The following RAB3GAP2 variants were observed in gnomAD, a reference collection of about 807,000 sequenced individuals.
RAB3GAP2 encodes rab3 GTPase-activating protein non-catalytic subunit.
A neutral mutation model predicts 185.3 loss-of-function variants in RAB3GAP2; 87 were observed. The ratio of observed to expected loss-of-function variants is 0.47; its 90% CI spans 0.39 to 0.56. The LOEUF (loss-of-function observed/expected upper bound fraction) is 0.56. RAB3GAP2 is among the 20% of genes least tolerant of loss of function. RAB3GAP2 has a pLI of 0.00. For synonymous variants in RAB3GAP2, 554 were observed against 576.1 expected (o/e 0.96, Z 0.55); for missense variants, 1,492 against 1,638.2 (o/e 0.91, Z 1.54).
At chr1:220,254,872 G>A (rs1571931709) in intron 1 of RAB3GAP2, among the ~76,000 whole-genome samples, 1 of 150,590 alleles carries the variant, frequency 6.6e-6, no homozygotes, top group East Asian at 1.9e-4. Flanking sequence ...ACATGTTAAT[G>A]CTATATGACA....
intron 2 of RAB3GAP2, among the ~76,000 whole-genome samples, chr1:220,230,540 C>T (rs1659479043): frequency 6.6e-6 from 1 of 152,198 alleles, no homozygotes; most frequent in Non-Finnish European, 1.5e-5. Flanking sequence ...TGTTCTTAAT[C>T]TCCTCATGGA....
Position 220,162,462 on chromosome 1 carries a change from G to C in RAB3GAP2, c.3155-194C>G, listed in dbSNP as rs141613840. 0.027 allele frequency among the ~76,000 whole-genome samples: 4,055 copies of C among 152,150 alleles called. 69 individuals carry two copies. Among genetic ancestry groups the C allele is most frequent in the South Asian group, 0.037 (178 of 4,812 alleles). On this transcript the variant is annotated intron_variant, in intron 27 of 34. Coordinates refer to ENST00000358951, the MANE Select transcript of RAB3GAP2 (RefSeq NM_012414.4). ...TCTGATTTAATAAAAATCAGAACTA[G>C]GCTGTATAAGAGTATGTCTAAATTG...
intron 1 of RAB3GAP2, among the ~76,000 whole-genome samples, chr1:220,235,342 T>C (rs1659571944): frequency 6.6e-6 from 1 of 152,240 alleles, no homozygotes; most frequent in African/African-American, 2.4e-5. Context: ...ATTGTGAGTT[T>C]AAGGCAGGCA....
At chr1:220,162,068 CTGAG>C (rs1258160038) in intron 28 of RAB3GAP2, 126 bp downstream of exon 28, 2 of 735,898 alleles carry the variant, frequency 2.7e-6, no homozygotes, top group East Asian at 2.7e-5. Context: ...TTACATTTAA[CTGAG>C]TATGAGTAAA....
rs897230178 is a variant in RAB3GAP2, at chr1:220,148,705, G to C, written c.*2546C>G. The C allele has an allele frequency of 1.3e-5, 2 of 151,968 alleles. No homozygotes were observed. The highest frequency in any genetic ancestry group is 4.8e-5 in the African/African-American group (2 of 41,362). The allele number at this position is 151,968 out of a possible 1,614,324, so 9.4% of individuals were successfully genotyped here. A position where few individuals can be genotyped will look rare whatever the true frequency, so the allele number is the denominator to read the frequency against. ...ATTTAAATGTAACAGTGTTTACTTTGACCATAGATGAAGTTTTATAATAAA... is the reference window on the plus strand; with the variant it reads ...ATTTAAATGTAACAGTGTTTACTTTCACCATAGATGAAGTTTTATAATAAA... On this transcript the variant is annotated 3_prime_UTR_variant, in exon 35 of 35. Coordinates refer to ENST00000358951, the MANE Select transcript of RAB3GAP2 (RefSeq NM_012414.4).
intron 24 of RAB3GAP2, 110 bp from the exon 25 acceptor site, chr1:220,167,785 CA>C: frequency 8.5e-7 from 1 of 1,174,730 alleles, no homozygotes; most frequent in Non-Finnish European, 1.3e-6. Flanking sequence ...ATTCATTTCT[CA>C]GCCTGAAGCT....
intron 1 of RAB3GAP2, chr1:220,267,126 A>G: frequency 7.3e-7 from 1 of 1,365,736 alleles, no homozygotes; most frequent in Non-Finnish European, 1.0e-6. Flanking sequence ...CAGCTGATCC[A>G]AGAAGTAAGT....
chr1:220,196,100 A>AAGCT, intron 10 of RAB3GAP2, 150 bp downstream of exon 10: 1 of 839,572 alleles, frequency 1.2e-6, no homozygotes, highest in East Asian at 2.6e-5. Flanking sequence ...ATTTAGAAGA[A>AAGCT]AGCTAGTTGA....
chr1:220,209,006 C>T (rs981403727), intron 7 of RAB3GAP2, among the ~76,000 whole-genome samples: 2 of 152,138 alleles, frequency 1.3e-5, no homozygotes, highest in African/African-American at 2.4e-5. Context: ...TGTCAGCCAC[C>T]GTGCCCGGCC....
At chr1:220,261,486 C>T (rs759316564) in intron 1 of RAB3GAP2, among the ~76,000 whole-genome samples, 4 of 152,214 alleles carry the variant, frequency 2.6e-5, no homozygotes, top group Non-Finnish European at 5.9e-5. Context: ...TCCACTTCCA[C>T]TTTACCCATC....
chr1:220,209,007 G>A (rs539504065), intron 7 of RAB3GAP2, among the ~76,000 whole-genome samples: 12 of 152,208 alleles, frequency 7.9e-5, no homozygotes, highest in Non-Finnish European at 1.3e-4. Flanking sequence ...GTCAGCCACC[G>A]TGCCCGGCCC....
intron 1 of RAB3GAP2, among the ~76,000 whole-genome samples, chr1:220,236,279 C>T (rs1659589719): frequency 2.0e-5 from 3 of 152,078 alleles, no homozygotes; most frequent in South Asian, 2.1e-4. Flanking sequence ...CTGGTTCAAG[C>T]GAGTCTCCTG....
intron 26 of RAB3GAP2, among the ~76,000 whole-genome samples, chr1:220,167,072 T>A (rs549915690): frequency 3.3e-5 from 5 of 152,198 alleles, no homozygotes; most frequent in African/African-American, 9.6e-5. Context: ...CCCTAGTATT[T>A]TCTTTAGAGT....
rs180750746 is a variant in RAB3GAP2 at position 220,150,860 on chromosome 1, G to A, written c.*391C>T. The A allele has an allele frequency of 7.9e-4, 192 of 242,082 alleles. 1 individual carries two copies. In the Middle Eastern group the frequency reaches 8.2e-3, roughly 10 times the overall value. The allele number at this position is 242,082 out of a possible 1,614,324, so 15.0% of individuals were successfully genotyped here. On this transcript the variant is annotated 3_prime_UTR_variant, in exon 35 of 35. Transcript: ENST00000358951. ...GTTCTATACGCTACTGATGGGGACT[G>A]TACATGAACACATTTAAATTGAATT...
In RAB3GAP2 at chr1:220,149,258, C is replaced by G. The variant is rs1571869499; in HGVS notation, c.*1993G>C. On this transcript the variant is annotated 3_prime_UTR_variant, in exon 35 of 35. Coordinates refer to ENST00000358951, the MANE Select transcript of RAB3GAP2 (RefSeq NM_012414.4). ...AATTCTATGAAAAATTTTAGGATAACAAATCTAACTAGAGACTTAATGATT... is the reference window on the plus strand; with the variant it reads ...AATTCTATGAAAAATTTTAGGATAAGAAATCTAACTAGAGACTTAATGATT... 6.6e-6 allele frequency: 1 copy of G among 152,208 alleles called. No individual in the cohort carries two copies. Among genetic ancestry groups the G allele is most frequent in the South Asian group, 2.1e-4 (1 of 4,820 alleles). The allele number at this position is 152,208 out of a possible 1,614,324, so 9.4% of individuals were successfully genotyped here. A position where few individuals can be genotyped will look rare whatever the true frequency, so the allele number is the denominator to read the frequency against.
At chr1:220,241,277 C>T (rs968302503) in intron 1 of RAB3GAP2, among the ~76,000 whole-genome samples, 1 of 151,904 alleles carries the variant, frequency 6.6e-6, no homozygotes, top group South Asian at 2.1e-4. Flanking sequence ...TAGAAGTGGG[C>T]AATTGATTTG....
rs56357312 is a variant in RAB3GAP2, at chr1:220,206,214, G to T, written c.613-208C>A. ...ATTCTTTTCAAATATAACCTTTTGTGTATGGTGAATAATTATCTCAAAGAT... is the reference window on the plus strand; with the variant it reads ...ATTCTTTTCAAATATAACCTTTTGTTTATGGTGAATAATTATCTCAAAGAT... On this transcript the variant is annotated intron_variant, in intron 7 of 34. Transcript: ENST00000358951. Among the ~76,000 whole-genome samples, 12,429 of 152,118 alleles carry T rather than the reference G, an allele frequency of 0.082. 697 individuals carry two copies. The highest frequency in any genetic ancestry group is 0.16 in the African/African-American group (6,551 of 41,480).
At chr1:220,267,088 C>T in intron 1 of RAB3GAP2, 1 of 1,583,610 alleles carries the variant, frequency 6.3e-7, no homozygotes, top group Non-Finnish European at 8.7e-7. Context: ...ATGTTCTGAC[C>T]ACCCAAAATT....
rs1657744814 is a variant in RAB3GAP2 at position 220,151,153 on chromosome 1, A to T, written c.*98T>A. ...ATTTTACAAAAGGAAAAAAAAAGAC[A>T]TACTTTTCCCATAAAATTCCAGGTC... is the stretch of plus-strand genomic sequence containing the variant. On this transcript the variant is annotated 3_prime_UTR_variant, in exon 35 of 35. Coordinates refer to ENST00000358951, the MANE Select transcript of RAB3GAP2 (RefSeq NM_012414.4). 1 of 1,288,280 alleles carries T rather than the reference A, an allele frequency of 7.8e-7. No individual in the cohort carries two copies. Among genetic ancestry groups the T allele is most frequent in the Non-Finnish European group, 1.1e-6 (1 of 918,248 alleles). 79.8% of individuals were successfully genotyped at this position (1,288,280 alleles called of 1,614,324 possible).
Sources: allele counts gnomAD v4.1 joint callset (sites outside exome capture counted in the v4.1 genomes callset), GRCh38; gene constraint gnomAD v4.1.1; transcripts MANE v1.5; gene names NCBI Gene and HGNC (gene_info 2026-07-23, HGNC 2026-07-21).